The following RPH3AL variants were observed in gnomAD, a reference collection of about 807,000 sequenced individuals.
The protein encoded by RPH3AL is rab effector Noc2.
A neutral mutation model predicts 43.1 loss-of-function variants in RPH3AL; 38 were observed. The observed-to-expected ratio is 0.88, with a 90% CI of 0.68 to 1.15. The LOEUF is 1.15. RPH3AL is among the 50% of genes most tolerant of loss of function. The probability of loss-of-function intolerance (pLI) is 0.00; values close to 1 mark genes in which losing one functional copy is unlikely to be tolerated. For missense variants in RPH3AL, 462 were observed against 423.2 expected, an observed-to-expected ratio of 1.09 and a Z score of -0.81; for synonymous variants, 189 against 176.3, an observed-to-expected ratio of 1.07 and a Z score of -0.57.
Position 252,149 on chromosome 17 carries a change from A to AT in RPH3AL, c.439-4865dup, listed in dbSNP as rs199610497. ...GCCAATACACCCAGCTAATTTTTGT[A>AT]TTTTTTGTAGAGATGGGGTTTTACC... On this transcript the variant is annotated intron_variant, in intron 6 of 9. Coordinates refer to ENST00000331302, the MANE Select transcript of RPH3AL (RefSeq NM_006987.4). Among the ~76,000 whole-genome samples, 309 of 151,508 alleles carry AT rather than the reference A, an allele frequency of 2.0e-3. 1 individual carries two copies. The highest frequency in any genetic ancestry group is 7.3e-3 in the African/African-American group (300 of 41,272).
At chr17:299,183 C>A (rs755183026) in intron 5 of RPH3AL, among the ~76,000 whole-genome samples, 1 of 152,146 alleles carries the variant, frequency 6.6e-6, no homozygotes, top group Non-Finnish European at 1.5e-5. Flanking sequence ...GGGGGCCCTG[C>A]AATGGCCCAG....
In RPH3AL at chr17:332,857, G is replaced by A. The variant is rs543034866; in HGVS notation, c.-37+902C>T. Reference sequence around the variant, plus strand: ...CACACGCTGAGCAGAGGCAGCACTCGGGCTGGCCGGCCCAGCAGGCAGATG... The same window carrying A: ...CACACGCTGAGCAGAGGCAGCACTCAGGCTGGCCGGCCCAGCAGGCAGATG... On this transcript the variant is annotated intron_variant, in intron 2 of 9. Transcript: ENST00000331302. 68 of 479,394 alleles carry A rather than the reference G, an allele frequency of 1.4e-4. 2 individuals are homozygous for A. Among genetic ancestry groups the A allele is most frequent in the East Asian group, 5.7e-4 (8 of 13,992 alleles). The allele number at this position is 479,394 out of a possible 1,614,324, so 29.7% of individuals were successfully genotyped here.
At chr17:242,286 C>G (rs2041563353) in intron 7 of RPH3AL, among the ~76,000 whole-genome samples, 1 of 129,750 alleles carries the variant, frequency 7.7e-6, no homozygotes, top group African/African-American at 2.8e-5. Context: ...CTATTGACTA[C>G]CTTCCTCTAT....
chr17:241,626 C>A (rs904546215), intron 7 of RPH3AL, among the ~76,000 whole-genome samples: 4 of 151,976 alleles, frequency 2.6e-5, no homozygotes, highest in African/African-American at 7.2e-5. Context: ...GCCAAAAAAA[C>A]CCCACCCCTT....
intron 2 of RPH3AL, chr17:332,122 G>C: frequency 2.8e-6 from 1 of 351,456 alleles, no homozygotes; most frequent in South Asian, 2.2e-5. Flanking sequence ...GGACAGGGCT[G>C]GTGGAGCTCT....
chr17:350,783 C>T (rs1240312429), intron 1 of RPH3AL, among the ~76,000 whole-genome samples: 1 of 152,170 alleles, frequency 6.6e-6, no homozygotes, highest in Non-Finnish European at 1.5e-5. Flanking sequence ...ACCGCAGGCC[C>T]TGATGATGGA....
intron 1 of RPH3AL, chr17:349,101 CA>C (rs138119176): frequency 0.2 from 30,076 of 151,640 alleles, 3,672 homozygotes; most frequent in East Asian, 0.48. Context: ...TGGAGGGCTT[CA>C]AAGAGAAGAA....
chr17:298,343 T>C (rs1000218796), intron 5 of RPH3AL, among the ~76,000 whole-genome samples: 22 of 152,100 alleles, frequency 1.4e-4, no homozygotes, highest in African/African-American at 5.3e-4. Flanking sequence ...AAAAGGTCAG[T>C]CCGTAAAAAT....
chr17:306,709 T>C (rs953993453), intron 5 of RPH3AL: 2 of 152,044 alleles, frequency 1.3e-5, no homozygotes, highest in African/African-American at 4.8e-5. Context: ...ATGGCTCTGC[T>C]GCCTACAGGA....
At position 289,782 on chromosome 17, in the gene RPH3AL, C is replaced by T. The variant is rs1377995137; in HGVS notation, c.352-7928G>A. On this transcript the variant is annotated intron_variant, in intron 5 of 9. Transcript: ENST00000331302. The surrounding 1 kb of genome is among the most constrained non-coding windows in gnomAD (Gnocchi z 5.2). The stretch of plus-strand genomic sequence containing the variant: ...TGCACGTGTTGCCCCCTCTGTGTGG[C>T]CACGCTGTCTCTTCATTAACCTACA... Among the ~76,000 whole-genome samples, 3 of 152,222 alleles carry T rather than the reference C, an allele frequency of 2.0e-5. No homozygotes were observed. In the East Asian group the frequency reaches 5.8e-4, roughly 29 times the overall value.
chr17:302,280 G>A (rs1194776816), intron 5 of RPH3AL, among the ~76,000 whole-genome samples: 1 of 152,248 alleles, frequency 6.6e-6, no homozygotes, highest in Non-Finnish European at 1.5e-5. Flanking sequence ...GAGGGAAACA[G>A]ATTTTCATCT....
At chr17:272,331 A>T (rs766412135) in intron 6 of RPH3AL, among the ~76,000 whole-genome samples, 1 of 152,058 alleles carries the variant, frequency 6.6e-6, no homozygotes, top group Non-Finnish European at 1.5e-5. Context: ...CACTATTCAC[A>T]ATAGCAAAGA....
At chr17:243,115 TCTA>T (rs1398559216) in intron 7 of RPH3AL, among the ~76,000 whole-genome samples, 4 of 138,396 alleles carry the variant, frequency 2.9e-5, no homozygotes, top group African/African-American at 8.1e-5. Flanking sequence ...ATTACCTTCC[TCTA>T]CTGATTGCCC....
In RPH3AL at chr17:333,044, C is replaced by T. The variant is rs1296039535; in HGVS notation, c.-37+715G>A. On this transcript the variant is annotated intron_variant, in intron 2 of 9. Coordinates refer to ENST00000331302, the MANE Select transcript of RPH3AL (RefSeq NM_006987.4). The surrounding 1 kb of genome is among the most constrained non-coding windows in gnomAD (Gnocchi z 4.5). ...CCTGAGACAGATCGGTAAAAACAAC[C>T]CCTTCTTCCAGGAGGATGCAATTCT... The T allele has an allele frequency of 1.6e-6, 2 of 1,289,006 alleles. No homozygotes were observed. The highest frequency in any genetic ancestry group is 3.0e-5 in the African/African-American group (2 of 65,830). The allele number at this position is 1,289,006 out of a possible 1,614,324, so 79.8% of individuals were successfully genotyped here.
chr17:320,905 G>A (rs2044451301), intron 4 of RPH3AL, among the ~76,000 whole-genome samples: 1 of 152,218 alleles, frequency 6.6e-6, no homozygotes, highest in Non-Finnish European at 1.5e-5. Flanking sequence ...GCCTTTCAGG[G>A]GCGACCTGTG....
At chr17:235,789 C>A (rs1320412438) in intron 7 of RPH3AL, among the ~76,000 whole-genome samples, 1 of 144,010 alleles carries the variant, frequency 6.9e-6, no homozygotes, top group Non-Finnish European at 1.5e-5. Flanking sequence ...TCCGCACTAA[C>A]AAGATGGATC....
intron 6 of RPH3AL, among the ~76,000 whole-genome samples, chr17:256,236 T>C (rs1239128447): frequency 9.1e-6 from 1 of 109,430 alleles, no homozygotes; most frequent in East Asian, 2.6e-4. Context: ...CTACCCTACG[T>C]ACTTCCTATG....
intron 5 of RPH3AL, among the ~76,000 whole-genome samples, chr17:303,267 T>C (rs148319721): frequency 2.2e-3 from 328 of 152,108 alleles, no homozygotes; most frequent in Non-Finnish European, 3.9e-3. Flanking sequence ...GGCGCACACC[T>C]GTAGTCCCAG....
chr17:263,985 G>A (rs1463922078), intron 6 of RPH3AL, among the ~76,000 whole-genome samples: 2 of 152,180 alleles, frequency 1.3e-5, no homozygotes, highest in Non-Finnish European at 2.9e-5. Context: ...ACAAGGGCCT[G>A]AGGGTATCGT....
Sources: gnomAD v4.1 joint callset for allele counts (sites outside exome capture counted in the v4.1 genomes callset) on GRCh38, gnomAD v4.1.1 for gene constraint, Gnocchi (gnomAD v3.1) non-coding constraint, MANE v1.5 for transcripts, NCBI Gene and HGNC (gene_info 2026-07-23, HGNC 2026-07-21) for gene names.